The following RAB40A variants were observed in gnomAD, a reference collection of about 807,000 sequenced individuals.
RAB40A encodes ras-related protein Rab-40A.
For synonymous variants in RAB40A, 65 were observed against 99.9 expected, an observed-to-expected ratio of 0.65 and a Z score of 2.08; for missense variants, 145 against 230.2, an observed-to-expected ratio of 0.63 and a Z score of 2.40.
In RAB40A at chrX:103,499,987, T is replaced by G. The variant is rs1423462888; in HGVS notation, c.770A>C (p.Glu257Ala). 8.3e-7 allele frequency: 1 copy of G among 1,207,590 alleles called. No homozygotes were observed. Among genetic ancestry groups the G allele is most frequent in the African/African-American group, 1.7e-5 (1 of 57,352 alleles). Residue 257 changes from glutamate to alanine, a missense_variant, in exon 3 of 3, where the codon GAG (glutamate) becomes GCG (alanine). By Grantham distance (107) the Glu-to-Ala change is moderately radical. Coordinates refer to ENST00000304236, the MANE Select transcript of RAB40A (RefSeq NM_080879.3). ...TGGGCTCTGGGGTGGGCAGACGATC[T>G]CCACTTTGCAGAGGCTGCTCTTGTG... ...STHKSSLCKV[E>A]IVCPPQSPPK... is the part of the protein sequence containing the mutation.
At chrX:103,514,182 C>T (rs1364914516) in intron 2 of RAB40A, among the ~76,000 whole-genome samples, 2 of 111,053 alleles carry the variant, frequency 1.8e-5, no homozygotes, top group African/African-American at 3.3e-5. Flanking sequence ...TTCTCCTTTC[C>T]GTCAGATAGC....
chrX:103,512,063 C>G lies in RAB40A; in HGVS notation c.-71+5311G>C, dbSNP rs191443074. Among the ~76,000 whole-genome samples, 293 of 111,328 alleles carry G rather than the reference C, an allele frequency of 2.6e-3. 1 individual carries two copies. The highest frequency in any genetic ancestry group is 8.9e-3 in the African/African-American group (272 of 30,607). The stretch of plus-strand genomic sequence containing the variant: ...TATGGCCATCACCAGATACTAGGAA[C>G]AGGAAAGGAAAGATTCTTCCCATAG... On this transcript the variant is annotated intron_variant, in intron 2 of 2. Transcript: ENST00000304236.
At chrX:103,514,581 T>G (rs1203989617) in intron 2 of RAB40A, among the ~76,000 whole-genome samples, 1 of 111,268 alleles carries the variant, frequency 9.0e-6, no homozygotes, top group African/African-American at 3.3e-5. Context: ...AAACTCCTGG[T>G]CTCAAGTGAT....
intron 2 of RAB40A, among the ~76,000 whole-genome samples, chrX:103,506,188 A>C (rs901455386): frequency 9.0e-6 from 1 of 111,621 alleles, no homozygotes; most frequent in African/African-American, 3.3e-5. Flanking sequence ...GATCAATTTT[A>C]TAGTGGTGAA....
rs1436167852 is a variant in RAB40A, at chrX:103,517,519, C to T, written c.-216G>A. ...GGCTCAATAAGAACTCCTTCACCCA[C>T]GTCACACTAGAAAGAAAATAAGAGA... On this transcript the variant is annotated 5_prime_UTR_variant, in exon 2 of 3. The change creates a new upstream start codon in the 5' untranslated region. Coordinates refer to ENST00000304236, the MANE Select transcript of RAB40A (RefSeq NM_080879.3). 9.0e-6 allele frequency: 1 copy of T among 111,567 alleles called. No homozygotes were observed. Among genetic ancestry groups the T allele is most frequent in the African/African-American group, 3.3e-5 (1 of 30,654 alleles). 9.2% of individuals were successfully genotyped at this position (111,567 alleles called of 1,213,427 possible). A position where few individuals can be genotyped will look rare whatever the true frequency, so the allele number is the denominator to read the frequency against.
At chrX:103,514,901 T>A in intron 2 of RAB40A, among the ~76,000 whole-genome samples, 1 of 112,012 alleles carries the variant, frequency 8.9e-6, no homozygotes, top group Non-Finnish European at 1.9e-5. Flanking sequence ...AAGAGTATTA[T>A]GTTTGTATAT....
chrX:103,498,007 C>A (rs1433988656), downstream of RAB40A, among the ~76,000 whole-genome samples: 1 of 111,852 alleles, frequency 8.9e-6, no homozygotes, highest in Admixed American at 9.5e-5. Context: ...AATATAATGA[C>A]AATGAAAGAA....
downstream of RAB40A, among the ~76,000 whole-genome samples, chrX:103,495,134 T>G (rs1181627232): frequency 1.8e-5 from 2 of 112,071 alleles, no homozygotes; most frequent in Non-Finnish European, 3.8e-5. Flanking sequence ...TTCACTTCTT[T>G]GGTTAATTCC....
chrX:103,493,390 G>A, the RAB40A span, among the ~76,000 whole-genome samples: 1 of 111,008 alleles, frequency 9.0e-6, no homozygotes, highest in Non-Finnish European at 1.9e-5. Flanking sequence ...TTAAAAATTA[G>A]GTATCCATCC....
downstream of RAB40A, among the ~76,000 whole-genome samples, chrX:103,495,510 A>ACC (rs1206260407): frequency 9.3e-6 from 1 of 107,575 alleles, no homozygotes; most frequent in Non-Finnish European, 1.9e-5. Flanking sequence ...CCCTGTGCCC[A>ACC]CCCCCAGCCC....
At chrX:103,504,021 TC>T (rs1203299498) in intron 2 of RAB40A, among the ~76,000 whole-genome samples, 1 of 112,075 alleles carries the variant, frequency 8.9e-6, no homozygotes, top group Non-Finnish European at 1.9e-5. Flanking sequence ...CAATATAATG[TC>T]CCTTGCAGCA....
chrX:103,493,952 C>G, the RAB40A span, among the ~76,000 whole-genome samples: 5 of 112,169 alleles, frequency 4.5e-5, no homozygotes, highest in African/African-American at 1.6e-4. Flanking sequence ...ATATACCCAG[C>G]AGTGGGATTG....
intron 2 of RAB40A, among the ~76,000 whole-genome samples, chrX:103,504,761 A>T (rs983899308): frequency 1.9e-4 from 21 of 112,006 alleles, no homozygotes; most frequent in African/African-American, 6.5e-4. Flanking sequence ...GCCTCATGAG[A>T]TCCACCCGCC....
chrX:103,503,597 T>A (rs1251329390), intron 2 of RAB40A: 1 of 481,562 alleles, frequency 2.1e-6, no homozygotes, highest in Non-Finnish European at 2.5e-6. Context: ...TGGAGATAGC[T>A]GTGATGCCTC....
Position 103,500,085 on chromosome X carries a change from G to A in RAB40A, c.672C>T (p.Ser224=), listed in dbSNP as rs61735525. Residue 224 remains serine, a synonymous_variant, in exon 3 of 3, where the codon TCC becomes TCT. Transcript: ENST00000304236. ...CATTCAGGCCCTTAGCCATGGAGAA[G>A]GACTTGAGGTGGCTTCTTAAGGTAC... The part of the protein sequence containing the change: ...LPSTLRSHLK[S]FSMAKGLNAR... 584 of 1,210,692 alleles carry A rather than the reference G, an allele frequency of 4.8e-4. 4 individuals are homozygous for A. In the African/African-American group the frequency reaches 9.4e-3, roughly 19 times the overall value.
the RAB40A span, among the ~76,000 whole-genome samples, chrX:103,493,276 T>C: frequency 8.9e-6 from 1 of 111,784 alleles, no homozygotes; most frequent in African/African-American, 3.2e-5. Flanking sequence ...TTGAGGGTTT[T>C]AAAATCTTTT....
chrX:103,496,515 T>C (rs1025896065), downstream of RAB40A, among the ~76,000 whole-genome samples: 1 of 112,475 alleles, frequency 8.9e-6, no homozygotes. Flanking sequence ...ACAATGCTTT[T>C]AGGCAATATA....
At chrX:103,502,931 G>C (rs1047369404) in intron 2 of RAB40A, 54 of 763,484 alleles carry the variant, frequency 7.1e-5, no homozygotes, top group Non-Finnish European at 8.1e-5. Flanking sequence ...AGAAGTGGGG[G>C]CTGGCTGAGC....
At chrX:103,509,289 ATCTC>A (rs373450734) in intron 2 of RAB40A, among the ~76,000 whole-genome samples, 352 of 85,962 alleles carry the variant, frequency 4.1e-3, no homozygotes, top group African/African-American at 5.6e-3. Context: ...CAGCCACAGG[ATCTC>A]TCTCTCTCTC....
Sources: gnomAD v4.1 joint callset for allele counts (sites outside exome capture counted in the v4.1 genomes callset) on GRCh38, gnomAD v4.1.1 for gene constraint, MANE v1.5 for transcripts, NCBI Gene and HGNC (gene_info 2026-07-23, HGNC 2026-07-21) for gene names.